DGKI: variants seen among roughly 807,000 people sequenced by gnomAD.
DGKI encodes the protein diacylglycerol kinase iota, also known as DAG kinase iota.
A neutral mutation model predicts 147.5 loss-of-function variants in DGKI; 55 were observed. That is an observed-to-expected ratio of 0.37 (90% CI 0.30 to 0.47). The LOEUF (loss-of-function observed/expected upper bound fraction) is 0.47. DGKI is among the 20% of genes least tolerant of loss of function. The pLI is 1.00. For missense variants in DGKI, 1,007 were observed against 1,323.8 expected, an observed-to-expected ratio of 0.76 and a Z score of 3.71; for synonymous variants, 469 against 477.1, an observed-to-expected ratio of 0.98 and a Z score of 0.22.
intron 1 of DGKI, among the ~76,000 whole-genome samples, chr7:137,692,461 A>T (rs903167823): frequency 6.6e-6 from 1 of 152,250 alleles, no homozygotes; most frequent in Non-Finnish European, 1.5e-5. Context: ...TGTCCCAGAC[A>T]GTTTTGATAC....
chr7:137,419,515 C>T (rs1028068442), intron 28 of DGKI, among the ~76,000 whole-genome samples: 15 of 152,126 alleles, frequency 9.9e-5, no homozygotes, highest in African/African-American at 3.6e-4. Flanking sequence ...GGTACATGAG[C>T]AACAAACTGT....
At chr7:137,652,763 T>C (rs758374081) in intron 5 of DGKI, among the ~76,000 whole-genome samples, 4 of 152,226 alleles carry the variant, frequency 2.6e-5, no homozygotes, top group Non-Finnish European at 5.9e-5. Flanking sequence ...TCCTTTTGCA[T>C]TGTCACTAGC....
At chr7:137,770,959 A>G (rs1796177159) in intron 1 of DGKI, among the ~76,000 whole-genome samples, 1 of 152,254 alleles carries the variant, frequency 6.6e-6, no homozygotes, top group Non-Finnish European at 1.5e-5. Flanking sequence ...ATGGTATGTG[A>G]GGCAAGCTTT....
rs113141382 is a variant in DGKI, at chr7:137,410,950, G to A, written c.2799+1220C>T. 1.2e-3 allele frequency among the ~76,000 whole-genome samples: 180 copies of A among 152,322 alleles called. 1 individual carries two copies. Among genetic ancestry groups the A allele is most frequent in the African/African-American group, 3.8e-3 (158 of 41,582 alleles). On this transcript the variant is annotated intron_variant, in intron 29 of 32. Coordinates refer to ENST00000614521, the MANE Select transcript of DGKI (RefSeq NM_001321708.2). ...TGATCTGGGCAGTGGCACAGGCACC[G>A]TTTTCAGGATTATGTGCCTAAAGGG... is the stretch of plus-strand genomic sequence containing the variant.
At chr7:137,461,278 A>G (rs1814432344) in intron 27 of DGKI, among the ~76,000 whole-genome samples, 1 of 152,168 alleles carries the variant, frequency 6.6e-6, no homozygotes, top group African/African-American at 2.4e-5. Context: ...TAAATATTTT[A>G]CCCTCTAGGA....
chr7:137,728,475 C>A (rs1794774942), intron 1 of DGKI, among the ~76,000 whole-genome samples: 1 of 152,188 alleles, frequency 6.6e-6, no homozygotes, highest in Admixed American at 6.5e-5. Flanking sequence ...AGCCCCAGCA[C>A]TACTGCATTC....
chr7:137,843,756 T>TACACACACACACACACAC (rs71177923), intron 1 of DGKI, among the ~76,000 whole-genome samples: 16 of 137,898 alleles, frequency 1.2e-4, no homozygotes, highest in South Asian at 2.5e-4. Context: ...GAGACCCCCC[T>TACACACACACACACACAC]ACACACACAC....
chr7:137,437,884 T>C (rs1488327531), intron 28 of DGKI, among the ~76,000 whole-genome samples: 1 of 152,160 alleles, frequency 6.6e-6, no homozygotes, highest in African/African-American at 2.4e-5. Flanking sequence ...TAGCTAGTTA[T>C]GTATATGAAC....
chr7:137,528,980 C>A (rs1458559265), intron 20 of DGKI, among the ~76,000 whole-genome samples: 2 of 152,262 alleles, frequency 1.3e-5, no homozygotes, highest in African/African-American at 4.8e-5. Flanking sequence ...CAAACATTAA[C>A]CACCAAAGCT....
rs143343971 is a variant in DGKI, at chr7:137,418,317, A to T, written c.2762-6110T>A. The stretch of plus-strand genomic sequence containing the variant: ...TGCAAATAAGCTCAAGGTACAGAGA[A>T]CCTAACCATTAAGGTACCTGGACAT... On this transcript the variant is annotated intron_variant, in intron 28 of 32. Coordinates refer to ENST00000614521, the MANE Select transcript of DGKI (RefSeq NM_001321708.2). 3.8e-3 allele frequency among the ~76,000 whole-genome samples: 573 copies of T among 152,306 alleles called. 1 individual carries two copies. Among genetic ancestry groups the T allele is most frequent in the Middle Eastern group, 0.017 (5 of 294 alleles).
intron 12 of DGKI, among the ~76,000 whole-genome samples, chr7:137,591,121 C>A (rs1267768047): frequency 6.6e-6 from 1 of 152,170 alleles, no homozygotes; most frequent in Non-Finnish European, 1.5e-5. Context: ...CCACAGGGTG[C>A]CTGGATTTCT....
At chr7:137,610,580 T>C (rs1820330526) in intron 8 of DGKI, among the ~76,000 whole-genome samples, 1 of 152,224 alleles carries the variant, frequency 6.6e-6, no homozygotes, top group Admixed American at 6.5e-5. Flanking sequence ...ACTGACCATA[T>C]AATAGATGTT....
At chr7:137,394,606 C>A (rs1383171266) in intron 32 of DGKI, among the ~76,000 whole-genome samples, 1 of 152,186 alleles carries the variant, frequency 6.6e-6, no homozygotes, top group Non-Finnish European at 1.5e-5. Flanking sequence ...AGAGTTTCCC[C>A]TAAGGCCTCA....
At chr7:137,446,642 C>T (rs1307894242) in intron 27 of DGKI, among the ~76,000 whole-genome samples, 1 of 152,110 alleles carries the variant, frequency 6.6e-6, no homozygotes, top group East Asian at 1.9e-4. Context: ...AGGAGAATCA[C>T]TTGAACCTGG....
Position 137,685,049 on chromosome 7 carries a change from A to T in DGKI, c.510+4845T>A, listed in dbSNP as rs79647540. Among the ~76,000 whole-genome samples, 15 of 152,314 alleles carry T rather than the reference A, an allele frequency of 9.8e-5. No individual in the cohort carries two copies. The East Asian group carries it at 2.9e-3, about 29-fold the overall frequency. On this transcript the variant is annotated intron_variant, in intron 2 of 32. Transcript: ENST00000614521. ...CCCAGTTTAAACCAATCCCACATGA[A>T]GACTCTGGTTCCTTAATCTTGTCCC...
intron 12 of DGKI, among the ~76,000 whole-genome samples, chr7:137,596,275 A>C (rs1245934654): frequency 6.6e-6 from 1 of 152,166 alleles, no homozygotes; most frequent in African/African-American, 2.4e-5. Flanking sequence ...GATGTGAGTG[A>C]GATGCTGAAG....
intron 1 of DGKI, among the ~76,000 whole-genome samples, chr7:137,761,293 G>A (rs898549818): frequency 6.6e-6 from 1 of 152,090 alleles, no homozygotes; most frequent in Non-Finnish European, 1.5e-5. Flanking sequence ...ACAGGACTTC[G>A]GCATCCTTTC....
chr7:137,406,654 C>G (rs1269430639), intron 30 of DGKI, among the ~76,000 whole-genome samples: 2 of 152,176 alleles, frequency 1.3e-5, no homozygotes, highest in Non-Finnish European at 2.9e-5. Flanking sequence ...GATGTGTTTA[C>G]TATAAACAAT....
intron 6 of DGKI, among the ~76,000 whole-genome samples, chr7:137,625,608 T>A (rs1175130036): frequency 4.0e-5 from 6 of 151,790 alleles, no homozygotes; most frequent in Non-Finnish European, 2.9e-5. Context: ...GCCTAAACTG[T>A]TTGCACAGAC....
Sources: gnomAD v4.1 joint callset for allele counts (sites outside exome capture counted in the v4.1 genomes callset) on GRCh38, gnomAD v4.1.1 for gene constraint, MANE v1.5 for transcripts, NCBI Gene and HGNC (gene_info 2026-07-23, HGNC 2026-07-21) for gene names.